CAMTA1: variants seen among roughly 807,000 people sequenced by gnomAD.
CAMTA1 encodes calmodulin-binding transcription activator 1.
In CAMTA1, 27 loss-of-function variants were observed where a neutral mutation model predicts 170.9. That is an observed-to-expected ratio of 0.16 (90% confidence interval 0.12 to 0.22). The LOEUF (loss-of-function observed/expected upper bound fraction) is 0.22, where lower values mean the gene tolerates loss of function less well. Among genes scored for constraint, CAMTA1 ranks in the 10% least tolerant of loss-of-function variants. The probability of loss-of-function intolerance (pLI) is 1.00; values close to 1 mark genes in which losing one functional copy is unlikely to be tolerated. For missense variants in CAMTA1, 1,619 were observed against 2,217.2 expected, an observed-to-expected ratio of 0.73 and a Z score of 5.42; for synonymous variants, 833 against 891.5, an observed-to-expected ratio of 0.93 and a Z score of 1.17.
intron 5 of CAMTA1, among the ~76,000 whole-genome samples, chr1:7,336,695 G>GGC (rs2083401745): frequency 6.6e-6 from 1 of 152,228 alleles, no homozygotes; most frequent in Non-Finnish European, 1.5e-5. Flanking sequence ...AGGCCAGGGC[G>GGC]AGGAACCTGG....
At chr1:7,340,074 T>C (rs1384641432) in intron 5 of CAMTA1, among the ~76,000 whole-genome samples, 2 of 152,240 alleles carry the variant, frequency 1.3e-5, no homozygotes, top group Admixed American at 6.5e-5. Flanking sequence ...AGTAAATATC[T>C]TGGGCTTTGC....
intron 3 of CAMTA1, among the ~76,000 whole-genome samples, chr1:7,011,518 C>T (rs6686843): frequency 0.41 from 61,521 of 151,860 alleles, 13,609 homozygotes; most frequent in African/African-American, 0.6. Context: ...ACCTTCCCCC[C>T]ATGCCATGAA....
intron 5 of CAMTA1, among the ~76,000 whole-genome samples, chr1:7,454,495 G>A (rs1434177571): frequency 6.6e-6 from 1 of 152,296 alleles, no homozygotes; most frequent in East Asian, 1.9e-4. Context: ...GCGGCCACTG[G>A]CCCACAGTCA....
intron 6 of CAMTA1, among the ~76,000 whole-genome samples, chr1:7,535,115 C>T (rs552242556): frequency 3.3e-5 from 5 of 151,450 alleles, no homozygotes; most frequent in African/African-American, 7.3e-5. Flanking sequence ...GCAGCAAGGC[C>T]GGCAGGTCCA....
intron 3 of CAMTA1, among the ~76,000 whole-genome samples, chr1:6,955,735 G>T (rs1276280914): frequency 6.6e-6 from 1 of 152,142 alleles, no homozygotes; most frequent in Admixed American, 6.5e-5. Flanking sequence ...GTCTAGCTGA[G>T]CCCCACTGAG....
rs1262960829 is a variant in CAMTA1, at chr1:7,498,325, TGA to T, written c.510+30426_510+30427del. The stretch of plus-strand genomic sequence containing the variant: ...GTGAGTGTGGATGTGTGTGTAAGAG[TGA>T]GTGTGGATGTGTATGAGTGTGTGTA... On this transcript the variant is annotated intron_variant, in intron 6 of 22. Transcript: ENST00000303635. 6.0e-5 allele frequency among the ~76,000 whole-genome samples: 9 copies of T among 149,268 alleles called. No homozygotes were observed. In the East Asian group the frequency reaches 1.8e-3, roughly 30 times the overall value.
chr1:7,407,372 C>A lies in CAMTA1; in HGVS notation c.439-60458C>A, dbSNP rs376727401. 5.9e-5 allele frequency among the ~76,000 whole-genome samples: 9 copies of A among 152,238 alleles called. No homozygotes were observed. In the South Asian group the frequency reaches 8.3e-4, roughly 14 times the overall value. Reference sequence around the variant, plus strand: ...TGTCTTGGGGGACCACAGACAGGCACCTGCATGCAGTGTGTGACTGGAGGG... The same window carrying A: ...TGTCTTGGGGGACCACAGACAGGCAACTGCATGCAGTGTGTGACTGGAGGG... On this transcript the variant is annotated intron_variant, in intron 5 of 22. Transcript: ENST00000303635.
At chr1:6,984,547 G>A (rs1695040610) in intron 3 of CAMTA1, among the ~76,000 whole-genome samples, 1 of 152,132 alleles carries the variant, frequency 6.6e-6, no homozygotes. Flanking sequence ...CTGGGAGGCG[G>A]AGGTTGCAGT....
intron 3 of CAMTA1, among the ~76,000 whole-genome samples, chr1:6,956,021 A>T (rs1306947871): frequency 1.3e-5 from 2 of 152,106 alleles, no homozygotes; most frequent in African/African-American, 2.4e-5. Context: ...CTTCCGCTCG[A>T]GCAGGTGCTG....
chr1:7,025,675 T>C (rs917995907), intron 3 of CAMTA1, among the ~76,000 whole-genome samples: 17 of 152,228 alleles, frequency 1.1e-4, no homozygotes, highest in Admixed American at 1.1e-3. Context: ...TTCAATGAAC[T>C]AGACTGGCGA....
chr1:7,198,126 T>A (rs959584246), intron 4 of CAMTA1, among the ~76,000 whole-genome samples: 1 of 152,168 alleles, frequency 6.6e-6, no homozygotes, highest in Non-Finnish European at 1.5e-5. Context: ...TTCTAGGATA[T>A]TGGGGTGACC....
chr1:7,286,370 G>A lies in CAMTA1; in HGVS notation c.438+36744G>A, dbSNP rs979582837. 4.6e-5 allele frequency among the ~76,000 whole-genome samples: 7 copies of A among 152,340 alleles called. No homozygotes were observed. Among genetic ancestry groups the A allele is most frequent in the Middle Eastern group, 3.4e-3 (1 of 294 alleles). ...GGTCTATGGGTGGTCCTGGAAGATC[G>A]TCATGGGGGTCTTCAGCTATTGGTG... On this transcript the variant is annotated intron_variant, in intron 5 of 22. Transcript: ENST00000303635. This position sits in a 1 kb window ranked among gnomAD's most constrained non-coding sequence, Gnocchi z 4.2.
intron 4 of CAMTA1, among the ~76,000 whole-genome samples, chr1:7,201,629 G>A (rs1656720507): frequency 6.6e-6 from 1 of 152,148 alleles, no homozygotes; most frequent in Admixed American, 6.5e-5. Flanking sequence ...CTCCCTGATA[G>A]CTAATAATAT....
chr1:7,436,139 T>A (rs555589498), intron 5 of CAMTA1, among the ~76,000 whole-genome samples: 7 of 152,194 alleles, frequency 4.6e-5, no homozygotes, highest in Non-Finnish European at 8.8e-5. Context: ...TCTCCCCTCG[T>A]CCCCCAGGCC....
intron 11 of CAMTA1, among the ~76,000 whole-genome samples, chr1:7,713,626 T>A (rs925780759): frequency 6.6e-6 from 1 of 152,204 alleles, no homozygotes; most frequent in Non-Finnish European, 1.5e-5. Context: ...TGTTTGCTGA[T>A]CAATAGCTCG....
chr1:7,343,691 T>C (rs2084009218), intron 5 of CAMTA1, among the ~76,000 whole-genome samples: 1 of 152,180 alleles, frequency 6.6e-6, no homozygotes, highest in Non-Finnish European at 1.5e-5. Context: ...TGTGCTTACA[T>C]CTCCCTCCTA....
At chr1:7,678,971 G>A (rs1247837628) in intron 11 of CAMTA1, among the ~76,000 whole-genome samples, 1 of 152,242 alleles carries the variant, frequency 6.6e-6, no homozygotes, top group Non-Finnish European at 1.5e-5. Context: ...CCCCAGCCGA[G>A]AGAGAGGGTG....
intron 9 of CAMTA1, among the ~76,000 whole-genome samples, chr1:7,670,572 G>C (rs576637908): frequency 6.6e-6 from 1 of 152,202 alleles, no homozygotes; most frequent in African/African-American, 2.4e-5. Flanking sequence ...TTTCTCAGGG[G>C]CATCGTAGGC....
chr1:7,188,184 T>G (rs1372677497), intron 4 of CAMTA1, among the ~76,000 whole-genome samples: 1 of 152,022 alleles, frequency 6.6e-6, no homozygotes, highest in African/African-American at 2.4e-5. Context: ...TCCAATCACC[T>G]CCCACCAGTC....
Sources: gnomAD v4.1 joint callset for allele counts (sites outside exome capture counted in the v4.1 genomes callset) on GRCh38, gnomAD v4.1.1 for gene constraint, Gnocchi (gnomAD v3.1) non-coding constraint, MANE v1.5 for transcripts, NCBI Gene and HGNC (gene_info 2026-07-23, HGNC 2026-07-21) for gene names.